DPP10: variants seen among roughly 807,000 people sequenced by gnomAD.
The protein encoded by DPP10 is inactive dipeptidyl peptidase 10.
A neutral mutation model predicts 120.9 loss-of-function variants in DPP10; 33 were observed. The observed-to-expected ratio is 0.27, with a 90% CI of 0.21 to 0.37. The LOEUF (loss-of-function observed/expected upper bound fraction) is 0.37. DPP10 is among the 10% of genes least tolerant of loss of function. The pLI, the probability that DPP10 is intolerant of heterozygous loss-of-function variation, is 1.00. For synonymous variants in DPP10, 337 were observed against 326.1 expected, an observed-to-expected ratio of 1.03 and a Z score of -0.36; for missense variants, 816 against 942.8, an observed-to-expected ratio of 0.87 and a Z score of 1.76.
At chr2:114,682,236 T>A (rs1699072263) in intron 1 of DPP10, among the ~76,000 whole-genome samples, 1 of 151,934 alleles carries the variant, frequency 6.6e-6, no homozygotes, top group African/African-American at 2.4e-5. Context: ...TTTTTCTGTG[T>A]AGCATGGATG....
intron 1 of DPP10, among the ~76,000 whole-genome samples, chr2:114,467,578 C>A (rs1406691071): frequency 6.6e-6 from 1 of 152,192 alleles, no homozygotes; most frequent in African/African-American, 2.4e-5. Context: ...TTTCTCCCAA[C>A]CTGTGTACCC....
chr2:115,039,206 T>C (rs755732233), intron 1 of DPP10, among the ~76,000 whole-genome samples: 4 of 152,088 alleles, frequency 2.6e-5, no homozygotes, highest in African/African-American at 4.8e-5. Context: ...AGGGGAGAAA[T>C]TGGAAATGAT....
At chr2:114,494,203 C>T (rs1682292297) in intron 1 of DPP10, among the ~76,000 whole-genome samples, 1 of 151,534 alleles carries the variant, frequency 6.6e-6, no homozygotes, top group South Asian at 2.1e-4. Flanking sequence ...TGGCTCTCTG[C>T]AGTGTGATCT....
At chr2:115,005,560 C>A (rs1164223937) in intron 1 of DPP10, among the ~76,000 whole-genome samples, 1 of 151,468 alleles carries the variant, frequency 6.6e-6, no homozygotes, top group African/African-American at 2.4e-5. Flanking sequence ...TCGAGAACTA[C>A]GTGAAGAATG....
In DPP10 at chr2:114,868,093, T is replaced by A. The variant is rs1406699818; in HGVS notation, c.60+425255T>A. On this transcript the variant is annotated intron_variant, in intron 1 of 25. Transcript: ENST00000410059. Reference sequence around the variant, plus strand: ...TGTAACATAGTAAATGAAAGCCAAATCATGGTCAAAAGTTGCTTAGCATTT... The same window carrying A: ...TGTAACATAGTAAATGAAAGCCAAAACATGGTCAAAAGTTGCTTAGCATTT... Among the ~76,000 whole-genome samples, 4 of 152,354 alleles carry A rather than the reference T, an allele frequency of 2.6e-5. No individual in the cohort carries two copies. In the East Asian group the frequency reaches 7.7e-4, roughly 29 times the overall value.
chr2:115,489,613 C>CT lies in DPP10; in HGVS notation c.272-9883dup, dbSNP rs542376503. ...ACCAAAAAATTTTGTAAAACTGGCG[C>CT]TTTTTTTTTTTTTTAAATTAAGCTG... On this transcript the variant is annotated intron_variant, in intron 3 of 25. Transcript: ENST00000410059. Among the ~76,000 whole-genome samples, 392 of 140,582 alleles carry CT rather than the reference C, an allele frequency of 2.8e-3. 2 individuals carry two copies. Among genetic ancestry groups the CT allele is most frequent in the African/African-American group, 7.7e-3 (295 of 38,386 alleles). 92.2% of individuals were successfully genotyped at this position (140,582 alleles called of 152,430 possible).
intron 3 of DPP10, among the ~76,000 whole-genome samples, chr2:115,403,224 CAATTAACTATACGGA>C (rs1384502973): frequency 6.6e-6 from 1 of 151,598 alleles, no homozygotes; most frequent in Non-Finnish European, 1.5e-5. Flanking sequence ...AAATTCTCAA[CAATTAACTATACGGA>C]AAAAATGTAC....
chr2:115,303,194 A>G (rs2061218815), intron 1 of DPP10, among the ~76,000 whole-genome samples: 1 of 151,972 alleles, frequency 6.6e-6, no homozygotes, highest in Non-Finnish European at 1.5e-5. Flanking sequence ...TTCAGATGAC[A>G]CGAACTTAAT....
intron 5 of DPP10, among the ~76,000 whole-genome samples, chr2:115,595,736 T>C (rs193096524): frequency 8.5e-5 from 13 of 152,180 alleles, no homozygotes; most frequent in Admixed American, 7.9e-4. Context: ...TCCTCCCCAA[T>C]TTTCTATATC....
intron 3 of DPP10, among the ~76,000 whole-genome samples, chr2:115,392,727 C>A (rs997167418): frequency 1.3e-5 from 2 of 152,008 alleles, no homozygotes; most frequent in Non-Finnish European, 2.9e-5. Context: ...ATTTAAATTA[C>A]AATGAATTTT....
At chr2:115,551,471 A>G (rs561664032) in intron 5 of DPP10, among the ~76,000 whole-genome samples, 81 of 152,188 alleles carry the variant, frequency 5.3e-4, no homozygotes, top group African/African-American at 1.9e-3. Flanking sequence ...ATGACCATCA[A>G]ATTCTCAAAG....
At chr2:115,627,572 G>T (rs1178319896) in intron 5 of DPP10, among the ~76,000 whole-genome samples, 1 of 152,124 alleles carries the variant, frequency 6.6e-6, no homozygotes, top group Non-Finnish European at 1.5e-5. Flanking sequence ...GGATGTGCAG[G>T]TTTGTTACAT....
At chr2:115,675,297 A>G (rs998730690) in intron 5 of DPP10, among the ~76,000 whole-genome samples, 39 of 152,212 alleles carry the variant, frequency 2.6e-4, no homozygotes, top group African/African-American at 9.2e-4. Flanking sequence ...CAACATATTA[A>G]TTAAAAACCT....
chr2:115,315,747 C>G (rs1295756760), intron 2 of DPP10, among the ~76,000 whole-genome samples: 1 of 152,024 alleles, frequency 6.6e-6, no homozygotes, highest in Non-Finnish European at 1.5e-5. Flanking sequence ...TTTTCAACAA[C>G]AGCACAGATT....
intron 1 of DPP10, among the ~76,000 whole-genome samples, chr2:115,287,911 C>T (rs2060470137): frequency 6.6e-6 from 1 of 152,102 alleles, no homozygotes; most frequent in Non-Finnish European, 1.5e-5. Flanking sequence ...TATTTATCCA[C>T]TTATCTATTG....
chr2:115,583,312 A>T (rs1346798921), intron 5 of DPP10, among the ~76,000 whole-genome samples: 1 of 152,218 alleles, frequency 6.6e-6, no homozygotes, highest in Non-Finnish European at 1.5e-5. Context: ...ACAGGATTGC[A>T]TTCTATATCA....
chr2:114,783,467 C>T (rs1392915612), intron 1 of DPP10, among the ~76,000 whole-genome samples: 1 of 152,114 alleles, frequency 6.6e-6, no homozygotes, highest in Non-Finnish European at 1.5e-5. Context: ...CTCATAGAGA[C>T]AGGAAACAGT....
At chr2:114,570,149 A>G (rs1558891130) in intron 1 of DPP10, among the ~76,000 whole-genome samples, 1 of 152,194 alleles carries the variant, frequency 6.6e-6, no homozygotes, top group Non-Finnish European at 1.5e-5. Flanking sequence ...CCTCAAGGCC[A>G]GGTGCTATAT....
At chr2:115,479,307 G>A (rs1212184578) in intron 3 of DPP10, among the ~76,000 whole-genome samples, 1 of 152,028 alleles carries the variant, frequency 6.6e-6, no homozygotes, top group Non-Finnish European at 1.5e-5. Context: ...ATAAGCTAGT[G>A]GCAAGTAGAC....
Sources: gnomAD v4.1 joint callset for allele counts (sites outside exome capture counted in the v4.1 genomes callset) on GRCh38, gnomAD v4.1.1 for gene constraint, MANE v1.5 for transcripts, NCBI Gene and HGNC (gene_info 2026-07-23, HGNC 2026-07-21) for gene names.